The following ADAMTSL1 variants were observed in gnomAD, a reference collection of about 807,000 sequenced individuals.
ADAMTSL1 encodes the protein ADAMTS like 1.
A neutral mutation model predicts 201.8 loss-of-function variants in ADAMTSL1; 126 were observed. The ratio of observed to expected loss-of-function variants is 0.62; its 90% CI spans 0.54 to 0.72. The LOEUF is 0.72. ADAMTSL1 is among the 30% of genes least tolerant of loss of function. ADAMTSL1 has a pLI of 0.00. For missense variants in ADAMTSL1, 2,679 were observed against 2,277.8 expected, an observed-to-expected ratio of 1.18 and a Z score of -3.59; for synonymous variants, 1,121 against 903.4, an observed-to-expected ratio of 1.24 and a Z score of -4.32.
At chr9:18,768,282 A>C (rs1820478111) in intron 16 of ADAMTSL1, among the ~76,000 whole-genome samples, 2 of 152,190 alleles carry the variant, frequency 1.3e-5, no homozygotes, top group Non-Finnish European at 2.9e-5. Context: ...GTCTGCAAGC[A>C]CGCAGGAGTT....
chr9:18,905,228 G>C (rs539287876), intron 26 of ADAMTSL1, among the ~76,000 whole-genome samples: 4 of 152,268 alleles, frequency 2.6e-5, no homozygotes, highest in South Asian at 4.2e-4. Flanking sequence ...TGAACTCTGG[G>C]GAAAGTTTAA....
At position 18,515,024 on chromosome 9, in the gene ADAMTSL1, T is replaced by C. The variant is rs549792804; in HGVS notation, c.191+10068T>C. 2.0e-5 allele frequency among the ~76,000 whole-genome samples: 3 copies of C among 152,372 alleles called. No homozygotes were observed. The East Asian group carries it at 5.8e-4, about 29-fold the overall frequency. Reference sequence around the variant, plus strand: ...ATGATTTTTCTGCATCTTTCAAAGATGATCATGTGGTTTTTATTCCTCCTT... The same window carrying C: ...ATGATTTTTCTGCATCTTTCAAAGACGATCATGTGGTTTTTATTCCTCCTT... On this transcript the variant is annotated intron_variant, in intron 2 of 28. Coordinates refer to ENST00000380548, the MANE Select transcript of ADAMTSL1 (RefSeq NM_001040272.6).
intron 26 of ADAMTSL1, among the ~76,000 whole-genome samples, chr9:18,900,992 T>C (rs946171734): frequency 6.6e-6 from 1 of 152,114 alleles, no homozygotes; most frequent in African/African-American, 2.4e-5. Flanking sequence ...GAGAGTCTGG[T>C]GCCTCCCTCC....
chr9:18,700,723 G>A (rs948975246), intron 13 of ADAMTSL1, among the ~76,000 whole-genome samples: 1 of 152,078 alleles, frequency 6.6e-6, no homozygotes, highest in Non-Finnish European at 1.5e-5. Flanking sequence ...ACATATTTAT[G>A]GAAAAGACTT....
At chr9:17,922,930 C>T (rs1211069915) in intron 1 of ADAMTSL1, among the ~76,000 whole-genome samples, 1 of 152,160 alleles carries the variant, frequency 6.6e-6, no homozygotes, top group East Asian at 1.9e-4. Context: ...AAGGAAAGCC[C>T]CAACCCTTAC....
Position 18,908,737 on chromosome 9 carries a change from T to C in ADAMTSL1, c.*189T>C. On this transcript the variant is annotated 3_prime_UTR_variant, in exon 29 of 29. Transcript: ENST00000380548. ...CCGCGTGTTTTCTCTTTCAGTTAGC[T>C]GGAGGACAGGATGTTGGGAAAGGAA... 1.8e-6 allele frequency: 1 copy of C among 550,312 alleles called. No homozygotes were observed. The highest frequency in any genetic ancestry group is 3.3e-6 in the Non-Finnish European group (1 of 307,556). The allele number at this position is 550,312 out of a possible 1,614,324, so 34.1% of individuals were successfully genotyped here.
intron 15 of ADAMTSL1, among the ~76,000 whole-genome samples, chr9:18,722,733 A>G (rs1833468141): frequency 6.6e-6 from 1 of 152,166 alleles, no homozygotes. Flanking sequence ...CCCCTCTTCA[A>G]ATACAGAAGT....
At chr9:18,674,085 G>A (rs1412500602) in intron 9 of ADAMTSL1, among the ~76,000 whole-genome samples, 1 of 151,936 alleles carries the variant, frequency 6.6e-6, no homozygotes. Flanking sequence ...AAACAGAAAA[G>A]GTTAAAGGCT....
chr9:18,267,791 A>AAAAAAAAAAAAT (rs1832189397), intron 2 of ADAMTSL1, among the ~76,000 whole-genome samples: 1 of 149,118 alleles, frequency 6.7e-6, no homozygotes, highest in African/African-American at 2.5e-5. Flanking sequence ...CAAAAACAAA[A>AAAAAAAAAAAAT]AAACCTTAAT....
At chr9:18,471,541 C>G (rs1417036), upstream of ADAMTSL1, among the ~76,000 whole-genome samples, 1,947 of 152,288 alleles carry the variant, frequency 0.013, 42 homozygotes, top group African/African-American at 0.044. Flanking sequence ...TAGTTCATGA[C>G]CAAAACTTTT....
chr9:18,659,044 G>C (rs1009076614), intron 8 of ADAMTSL1, among the ~76,000 whole-genome samples: 4 of 152,164 alleles, frequency 2.6e-5, no homozygotes, highest in African/African-American at 9.7e-5. Context: ...TTTTTCTAAC[G>C]TAATGGATAT....
At chr9:18,567,123 CTT>C (rs903376107) in intron 3 of ADAMTSL1, among the ~76,000 whole-genome samples, 2 of 152,104 alleles carry the variant, frequency 1.3e-5, no homozygotes, top group Non-Finnish European at 2.9e-5. Context: ...TTAAAAAGGC[CTT>C]CAGGTGATTT....
At chr9:18,034,551 C>T (rs1041283261) in intron 1 of ADAMTSL1, among the ~76,000 whole-genome samples, 1 of 152,080 alleles carries the variant, frequency 6.6e-6, no homozygotes, top group African/African-American at 2.4e-5. Context: ...TGCCTCTTGA[C>T]TTCTATATTT....
intron 15 of ADAMTSL1, among the ~76,000 whole-genome samples, chr9:18,722,682 A>T (rs929572148): frequency 6.6e-5 from 10 of 152,264 alleles, no homozygotes; most frequent in African/African-American, 2.4e-4. Context: ...TAGTCACCAG[A>T]GTTGTTCTGT....
At chr9:18,115,823 T>C (rs1301848060) in intron 1 of ADAMTSL1, among the ~76,000 whole-genome samples, 1 of 152,184 alleles carries the variant, frequency 6.6e-6, no homozygotes, top group African/African-American at 2.4e-5. Flanking sequence ...GATTCAGACC[T>C]AAGGGAGTCT....
At chr9:18,294,441 C>T (rs1833392820) in intron 2 of ADAMTSL1, among the ~76,000 whole-genome samples, 1 of 152,230 alleles carries the variant, frequency 6.6e-6, no homozygotes, top group Middle Eastern at 3.2e-3. Context: ...TGCCCAGGTT[C>T]TGTGGCTGGG....
chr9:18,170,605 C>T (rs1400665489), intron 2 of ADAMTSL1, among the ~76,000 whole-genome samples: 1 of 151,914 alleles, frequency 6.6e-6, no homozygotes, highest in South Asian at 2.1e-4. Context: ...TAATTAATTT[C>T]ATCTCAGAAA....
At chr9:17,907,797 A>G (rs1825780894) in intron 1 of ADAMTSL1, among the ~76,000 whole-genome samples, 1 of 152,176 alleles carries the variant, frequency 6.6e-6, no homozygotes, top group Non-Finnish European at 1.5e-5. Context: ...CACACTTTCC[A>G]GACTCAGGTT....
chr9:17,981,212 AG>A (rs1221996259), intron 1 of ADAMTSL1, among the ~76,000 whole-genome samples: 1 of 152,194 alleles, frequency 6.6e-6, no homozygotes, highest in Non-Finnish European at 1.5e-5. Flanking sequence ...ACCAGATACC[AG>A]GTCTGCCAGT....
Sources: allele counts gnomAD v4.1 joint callset (sites outside exome capture counted in the v4.1 genomes callset), GRCh38; gene constraint gnomAD v4.1.1; transcripts MANE v1.5; gene names NCBI Gene and HGNC (gene_info 2026-07-23, HGNC 2026-07-21).